H1-4: variants seen among roughly 807,000 people sequenced by gnomAD.
H1-4 encodes histone H1.4.
In H1-4, 9 loss-of-function variants were observed where a neutral mutation model predicts 7.2. The ratio of observed to expected loss-of-function variants is 1.25; its 90% CI spans 0.75 to 2.18. The LOEUF is 2.18. Ranked by LOEUF, H1-4 falls within the 30% of genes most tolerant of loss-of-function variation. The pLI is 0.00. For synonymous variants in H1-4, 318 were observed against 126.6 expected, an observed-to-expected ratio of 2.51 and a Z score of -10.15; for missense variants, 646 against 287.9, an observed-to-expected ratio of 2.24 and a Z score of -9.00.
At position 26,156,839 on chromosome 6, in the gene H1-4, G is replaced by C. The variant is rs199882733; in HGVS notation, c.449G>C (p.Ser150Thr). The change falls in exon 1 of 1, where the codon AGC becomes ACC. Residue 150 changes from serine to threonine, a missense_variant. Ser to Thr is a moderately conservative substitution (Grantham distance 58, BLOSUM62 1). Coordinates refer to ENST00000304218, the MANE Select transcript of H1-4 (RefSeq NM_005321.3). Reference sequence around the variant, plus strand: ...ACGGGGGCGGCCACCCCCAAGAAGAGCGCCAAGAAGACCCCAAAGAAGGCG... The same window carrying C: ...ACGGGGGCGGCCACCCCCAAGAAGACCGCCAAGAAGACCCCAAAGAAGGCG... Reference protein sequence around the residue: ...KATGAATPKKSAKKTPKKAKK... With the variant: ...KATGAATPKKTAKKTPKKAKK... 33 of 1,606,480 alleles carry C rather than the reference G, an allele frequency of 2.1e-5. No individual in the cohort carries two copies. In the African/African-American group the frequency reaches 4.3e-4, roughly 21 times the overall value.
rs769049934 is a variant in H1-4, at chr6:26,156,843, C to T, written c.453C>T (p.Ala151=). ...ATGAATPKKS[A]KKTPKKAKKP... is the part of the protein sequence containing the mutation. ...GGGCGGCCACCCCCAAGAAGAGCGCCAAGAAGACCCCAAAGAAGGCGAAGA... is the reference window on the plus strand; with the variant it reads ...GGGCGGCCACCCCCAAGAAGAGCGCTAAGAAGACCCCAAAGAAGGCGAAGA... Residue 151 remains alanine, a synonymous_variant, in exon 1 of 1, where the codon GCC becomes GCT. Transcript: ENST00000304218. 6.2e-6 allele frequency: 10 copies of T among 1,606,572 alleles called. No individual in the cohort carries two copies. Among genetic ancestry groups the T allele is most frequent in the African/African-American group, 4.0e-5 (3 of 74,358 alleles).
Position 26,156,595 on chromosome 6 carries a change from G to T in H1-4, c.205G>T (p.Ala69Ser). 1 of 1,614,180 alleles carries T rather than the reference G, an allele frequency of 6.2e-7. No homozygotes were observed. The highest frequency in any genetic ancestry group is 8.5e-7 in the Non-Finnish European group (1 of 1,180,006). The change falls in exon 1 of 1, where the codon GCT becomes TCT. Residue 69 changes from alanine (A) to serine (S), a missense_variant. By Grantham distance (99) the Ala-to-Ser change is moderately conservative. Coordinates refer to ENST00000304218, the MANE Select transcript of H1-4 (RefSeq NM_005321.3). The stretch of plus-strand genomic sequence containing the variant: ...CGCTCTCAAGAAAGCGCTGGCAGCC[G>T]CTGGCTATGACGTGGAGAAGAACAA... ...LAALKKALAA[A>S]GYDVEKNNSR...
In H1-4 at chr6:26,156,331, A is replaced by G; in HGVS notation, c.-60A>G. 1.4e-6 allele frequency: 2 copies of G among 1,447,380 alleles called. No homozygotes were observed. Among genetic ancestry groups the G allele is most frequent in the African/African-American group, 2.8e-5 (2 of 70,586 alleles). The allele number at this position is 1,447,380 out of a possible 1,614,324, so 89.7% of individuals were successfully genotyped here. On this transcript the variant is annotated 5_prime_UTR_variant, in exon 1 of 1. Transcript: ENST00000304218. The stretch of plus-strand genomic sequence containing the variant: ...CGGGCGGGCGCAGCGCCGCGGCTCG[A>G]GTCCCGGCCAGTGCCTCTGCTTCCG...
chr6:26,156,711 C>T lies in H1-4; in HGVS notation c.321C>T (p.Leu107=). 6.2e-7 allele frequency: 1 copy of T among 1,614,210 alleles called. No homozygotes were observed. The highest frequency in any genetic ancestry group is 1.1e-5 in the South Asian group (1 of 91,086). The stretch of plus-strand genomic sequence containing the variant: ...CCGGCGCGTCGGGTTCCTTCAAACT[C>T]AACAAGAAGGCGGCCTCTGGGGAAG... ...KGTGASGSFK[L]NKKAASGEAK... The change falls in exon 1 of 1, where the codon CTC becomes CTT. Residue 107 remains leucine (L), a synonymous_variant. Transcript: ENST00000304218.
In H1-4 at chr6:26,156,726, C is replaced by T. The variant is rs762347118; in HGVS notation, c.336C>T (p.Ala112=). The part of the protein sequence containing the change: ...SGSFKLNKKA[A]SGEAKPKAKK... Reference sequence around the variant, plus strand: ...CCTTCAAACTCAACAAGAAGGCGGCCTCTGGGGAAGCCAAGCCTAAGGCTA... The same window carrying T: ...CCTTCAAACTCAACAAGAAGGCGGCTTCTGGGGAAGCCAAGCCTAAGGCTA... Residue 112 remains alanine, a synonymous_variant, in exon 1 of 1, where the codon GCC becomes GCT. Coordinates refer to ENST00000304218, the MANE Select transcript of H1-4 (RefSeq NM_005321.3). The T allele has an allele frequency of 1.0e-4, 165 of 1,614,002 alleles. No individual in the cohort carries two copies. Among genetic ancestry groups the T allele is most frequent in the Non-Finnish European group, 1.3e-4 (149 of 1,180,032 alleles).
Position 26,156,927 on chromosome 6 carries a change from C to T in H1-4, c.537C>T (p.Ala179=), listed in dbSNP as rs754078818. 22 of 1,591,940 alleles carry T rather than the reference C, an allele frequency of 1.4e-5. No homozygotes were observed. The highest frequency in any genetic ancestry group is 4.1e-5 in the African/African-American group (3 of 74,074). ...KAKSPKKAKA[A]KPKKAPKSPA... is the part of the protein sequence containing the mutation. ...AAAGCCCGAAAAAGGCGAAAGCAGC[C>T]AAGCCAAAAAAGGCGCCCAAGAGCC... Residue 179 remains alanine, a synonymous_variant, in exon 1 of 1, where the codon GCC becomes GCT. Coordinates refer to ENST00000304218, the MANE Select transcript of H1-4 (RefSeq NM_005321.3).
In H1-4 at chr6:26,156,380, T is replaced by C. The variant is rs1288608231; in HGVS notation, c.-11T>C. On this transcript the variant is annotated 5_prime_UTR_variant, in exon 1 of 1. Coordinates refer to ENST00000304218, the MANE Select transcript of H1-4 (RefSeq NM_005321.3). ...CGGCTCGAATTGCTCTCGCTCACGCTTGCCTTCAACATGTCCGAGACTGCG... is the reference window on the plus strand; with the variant it reads ...CGGCTCGAATTGCTCTCGCTCACGCCTGCCTTCAACATGTCCGAGACTGCG... The C allele has an allele frequency of 1.9e-6, 3 of 1,548,494 alleles. No homozygotes were observed. Among genetic ancestry groups the C allele is most frequent in the South Asian group, 2.4e-5 (2 of 83,278 alleles).
In H1-4 at chr6:26,156,597, T is replaced by C; in HGVS notation, c.207T>C (p.Ala69=). 6.2e-7 allele frequency: 1 copy of C among 1,614,154 alleles called. No homozygotes were observed. The highest frequency in any genetic ancestry group is 8.5e-7 in the Non-Finnish European group (1 of 1,180,004). ...LAALKKALAA[A]GYDVEKNNSR... Reference sequence around the variant, plus strand: ...CTCTCAAGAAAGCGCTGGCAGCCGCTGGCTATGACGTGGAGAAGAACAACA... The same window carrying C: ...CTCTCAAGAAAGCGCTGGCAGCCGCCGGCTATGACGTGGAGAAGAACAACA... Residue 69 remains alanine (A), a synonymous_variant, in exon 1 of 1, where the codon GCT becomes GCC. Transcript: ENST00000304218.
rs749668689 is a variant in H1-4 at position 26,156,723 on chromosome 6, G to A, written c.333G>A (p.Ala111=). 4 of 1,614,070 alleles carry A rather than the reference G, an allele frequency of 2.5e-6. No homozygotes were observed. ...GTTCCTTCAAACTCAACAAGAAGGC[G>A]GCCTCTGGGGAAGCCAAGCCTAAGG... ...ASGSFKLNKK[A]ASGEAKPKAK... is the part of the protein sequence containing the mutation. Residue 111 remains alanine (A), a synonymous_variant, in exon 1 of 1, where the codon GCG becomes GCA. Coordinates refer to ENST00000304218, the MANE Select transcript of H1-4 (RefSeq NM_005321.3).
chr6:26,156,551 G>C lies in H1-4; in HGVS notation c.161G>C (p.Arg54Pro). 1.2e-6 allele frequency: 2 copies of C among 1,614,110 alleles called. No homozygotes were observed. The highest frequency in any genetic ancestry group is 1.7e-6 in the Non-Finnish European group (2 of 1,180,004). The change falls in exon 1 of 1, where the codon CGC becomes CCC. Residue 54 changes from arginine (R) to proline (P), a missense_variant. Physicochemically the swap from Arg to Pro is moderately radical, Grantham distance 103. Transcript: ENST00000304218. ...AAAGCTGTTGCCGCCTCCAAGGAGC[G>C]CAGCGGCGTATCTTTGGCCGCTCTC... ...ITKAVAASKE[R>P]SGVSLAALKK...
In H1-4 at chr6:26,156,707, A is replaced by G; in HGVS notation, c.317A>G (p.Lys106Arg). 6.2e-7 allele frequency: 1 copy of G among 1,614,176 alleles called. No homozygotes were observed. The highest frequency in any genetic ancestry group is 8.5e-7 in the Non-Finnish European group (1 of 1,180,034). Residue 106 changes from lysine (K) to arginine (R), a missense_variant, in exon 1 of 1, where the codon AAA becomes AGA. Physicochemically the swap from Lys to Arg is conservative, Grantham distance 26 (BLOSUM62 2). Coordinates refer to ENST00000304218, the MANE Select transcript of H1-4 (RefSeq NM_005321.3). Reference protein sequence around the residue: ...TKGTGASGSFKLNKKAASGEA... With the variant: ...TKGTGASGSFRLNKKAASGEA... ...GGCACCGGCGCGTCGGGTTCCTTCA[A>G]ACTCAACAAGAAGGCGGCCTCTGGG...
At position 26,156,645 on chromosome 6, in the gene H1-4, G is replaced by A. The variant is rs771577443; in HGVS notation, c.255G>A (p.Lys85=). ...KNNSRIKLGL[K]SLVSKGTLVQ... is the part of the protein sequence containing the mutation. Reference sequence around the variant, plus strand: ...ACAGCCGCATCAAGCTGGGTCTCAAGAGCCTGGTGAGCAAGGGCACCCTGG... The same window carrying A: ...ACAGCCGCATCAAGCTGGGTCTCAAAAGCCTGGTGAGCAAGGGCACCCTGG... Residue 85 remains lysine, a synonymous_variant, in exon 1 of 1, where the codon AAG becomes AAA. Coordinates refer to ENST00000304218, the MANE Select transcript of H1-4 (RefSeq NM_005321.3). 16 of 1,614,152 alleles carry A rather than the reference G, an allele frequency of 9.9e-6. No individual in the cohort carries two copies. The highest frequency in any genetic ancestry group is 1.6e-4 in the Middle Eastern group (1 of 6,084).
Position 26,156,537 on chromosome 6 carries a change from C to G in H1-4, c.147C>G (p.Ala49=). ...PVSELITKAV[A]ASKERSGVSL... is the part of the protein sequence containing the mutation. ...CCGAGCTCATTACTAAAGCTGTTGC[C>G]GCCTCCAAGGAGCGCAGCGGCGTAT... The change falls in exon 1 of 1, where the codon GCC becomes GCG. Residue 49 remains alanine (A), a synonymous_variant. Coordinates refer to ENST00000304218, the MANE Select transcript of H1-4 (RefSeq NM_005321.3). 1 of 1,614,066 alleles carries G rather than the reference C, an allele frequency of 6.2e-7. No individual in the cohort carries two copies. The highest frequency in any genetic ancestry group is 8.5e-7 in the Non-Finnish European group (1 of 1,179,984).
Position 26,156,642 on chromosome 6 carries a change from C to A in H1-4, c.252C>A (p.Leu84=). 6.2e-7 allele frequency: 1 copy of A among 1,614,270 alleles called. No individual in the cohort carries two copies. Among genetic ancestry groups the A allele is most frequent in the Non-Finnish European group, 8.5e-7 (1 of 1,180,052 alleles). The change falls in exon 1 of 1, where the codon CTC becomes CTA. Residue 84 remains leucine, a synonymous_variant. Coordinates refer to ENST00000304218, the MANE Select transcript of H1-4 (RefSeq NM_005321.3). ...ACAACAGCCGCATCAAGCTGGGTCT[C>A]AAGAGCCTGGTGAGCAAGGGCACCC... The part of the protein sequence containing the change: ...EKNNSRIKLG[L]KSLVSKGTLV...
At position 26,156,357 on chromosome 6, in the gene H1-4, G is replaced by T. The variant is rs780964648; in HGVS notation, c.-34G>T. On this transcript the variant is annotated 5_prime_UTR_variant, in exon 1 of 1. Coordinates refer to ENST00000304218, the MANE Select transcript of H1-4 (RefSeq NM_005321.3). Reference sequence around the variant, plus strand: ...GTCCCGGCCAGTGCCTCTGCTTCCGGCTCGAATTGCTCTCGCTCACGCTTG... The same window carrying T: ...GTCCCGGCCAGTGCCTCTGCTTCCGTCTCGAATTGCTCTCGCTCACGCTTG... 4.0e-6 allele frequency: 6 copies of T among 1,516,702 alleles called. No homozygotes were observed. Among genetic ancestry groups the T allele is most frequent in the South Asian group, 1.3e-5 (1 of 77,646 alleles). 94.0% of individuals were successfully genotyped at this position (1,516,702 alleles called of 1,614,324 possible).
Position 26,156,609 on chromosome 6 carries a change from G to C in H1-4, c.219G>C (p.Val73=), listed in dbSNP as rs772592342. 2 of 1,614,256 alleles carry C rather than the reference G, an allele frequency of 1.2e-6. No individual in the cohort carries two copies. The highest frequency in any genetic ancestry group is 1.7e-6 in the Non-Finnish European group (2 of 1,180,048). ...KKALAAAGYD[V]EKNNSRIKLG... Reference sequence around the variant, plus strand: ...CGCTGGCAGCCGCTGGCTATGACGTGGAGAAGAACAACAGCCGCATCAAGC... The same window carrying C: ...CGCTGGCAGCCGCTGGCTATGACGTCGAGAAGAACAACAGCCGCATCAAGC... Residue 73 remains valine, a synonymous_variant, in exon 1 of 1, where the codon GTG becomes GTC. Transcript: ENST00000304218.
rs549793116 is a variant in H1-4, at chr6:26,156,811, G to C, written c.421G>C (p.Ala141Pro). The C allele has an allele frequency of 1.5e-5, 24 of 1,607,606 alleles. No individual in the cohort carries two copies. Among genetic ancestry groups the C allele is most frequent in the Non-Finnish European group, 2.0e-5 (23 of 1,177,128 alleles). Residue 141 changes from alanine to proline, a missense_variant, in exon 1 of 1, where the codon GCG becomes CCG. Coordinates refer to ENST00000304218, the MANE Select transcript of H1-4 (RefSeq NM_005321.3). ...AGGAGCGGCGAAGAAGCCCAAGAAGGCGACGGGGGCGGCCACCCCCAAGAA... is the reference window on the plus strand; with the variant it reads ...AGGAGCGGCGAAGAAGCCCAAGAAGCCGACGGGGGCGGCCACCCCCAAGAA... Reference protein sequence around the residue: ...PAGAAKKPKKATGAATPKKSA... With the variant: ...PAGAAKKPKKPTGAATPKKSA...
rs569775913 is a variant in H1-4 at position 26,156,559 on chromosome 6, G to T, written c.169G>T (p.Val57Leu). 4 of 1,614,030 alleles carry T rather than the reference G, an allele frequency of 2.5e-6. No individual in the cohort carries two copies. Among genetic ancestry groups the T allele is most frequent in the East Asian group, 2.2e-5 (1 of 44,880 alleles). Reference sequence around the variant, plus strand: ...TGCCGCCTCCAAGGAGCGCAGCGGCGTATCTTTGGCCGCTCTCAAGAAAGC... The same window carrying T: ...TGCCGCCTCCAAGGAGCGCAGCGGCTTATCTTTGGCCGCTCTCAAGAAAGC... ...AVAASKERSG[V>L]SLAALKKALA... Residue 57 changes from valine (V) to leucine (L), a missense_variant, in exon 1 of 1, where the codon GTA becomes TTA. By Grantham distance (32) the Val-to-Leu change is conservative. Transcript: ENST00000304218.
chr6:26,156,354 C>T lies in H1-4; in HGVS notation c.-37C>T, dbSNP rs553846121. 79 of 1,514,868 alleles carry T rather than the reference C, an allele frequency of 5.2e-5. No homozygotes were observed. Among genetic ancestry groups the T allele is most frequent in the African/African-American group, 6.9e-5 (5 of 72,076 alleles). 93.8% of individuals were successfully genotyped at this position (1,514,868 alleles called of 1,614,324 possible). A position where few individuals can be genotyped will look rare whatever the true frequency, so the allele number is the denominator to read the frequency against. ...CGAGTCCCGGCCAGTGCCTCTGCTTCCGGCTCGAATTGCTCTCGCTCACGC... is the reference window on the plus strand; with the variant it reads ...CGAGTCCCGGCCAGTGCCTCTGCTTTCGGCTCGAATTGCTCTCGCTCACGC... On this transcript the variant is annotated 5_prime_UTR_variant, in exon 1 of 1. Transcript: ENST00000304218.
Sources: allele counts gnomAD v4.1 joint callset, GRCh38; gene constraint gnomAD v4.1.1; transcripts MANE v1.5; gene names NCBI Gene and HGNC (gene_info 2026-07-23, HGNC 2026-07-21).